Variants in CDH20 observed in about 807,000 individuals in gnomAD.
CDH20 encodes the protein cadherin 20, also known as cadherin-20.
A neutral mutation model predicts 74.2 loss-of-function variants in CDH20; 29 were observed. That is an observed-to-expected ratio of 0.39 (90% confidence interval 0.29 to 0.53). CDH20 has a LOEUF of 0.53. Among genes scored for constraint, CDH20 ranks in the 20% least tolerant of loss-of-function variants. CDH20 has a pLI of 0.69. For synonymous variants in CDH20, 469 were observed against 405.4 expected (o/e 1.16, Z -1.88); for missense variants, 988 against 1,048.3 (o/e 0.94, Z 0.79).
At chr18:61,360,590 T>C (rs1485241820) in intron 1 of CDH20, among the ~76,000 whole-genome samples, 1 of 152,162 alleles carries the variant, frequency 6.6e-6, no homozygotes, top group Non-Finnish European at 1.5e-5. Context: ...TGCAAAGCAC[T>C]GAGGAGGCAG....
At chr18:61,473,947 T>C (rs1599109651) in intron 1 of CDH20, among the ~76,000 whole-genome samples, 1 of 152,258 alleles carries the variant, frequency 6.6e-6, no homozygotes, top group African/African-American at 2.4e-5. Context: ...TGTATGCTTG[T>C]AAATTCAACA....
Position 61,522,676 on chromosome 18 carries a change from T to A in CDH20, c.1018-5291T>A, listed in dbSNP as rs190597785. ...CTGACTTCAAACTATAGTACAAGACTACAGTAACCAAAAAAGCATGGTACT... is the reference window on the plus strand; with the variant it reads ...CTGACTTCAAACTATAGTACAAGACAACAGTAACCAAAAAAGCATGGTACT... On this transcript the variant is annotated intron_variant, in intron 6 of 11. Coordinates refer to ENST00000262717, the MANE Select transcript of CDH20 (RefSeq NM_031891.4). 1.8e-4 allele frequency among the ~76,000 whole-genome samples: 27 copies of A among 152,272 alleles called. No individual in the cohort carries two copies. In the East Asian group the frequency reaches 4.4e-3, roughly 25 times the overall value.
At position 61,353,401 on chromosome 18, in the gene CDH20, G is replaced by T. The variant is rs1910374329; in HGVS notation, c.-153+19574G>T. Among the ~76,000 whole-genome samples, 1 of 152,138 alleles carries T rather than the reference G, an allele frequency of 6.6e-6. No individual in the cohort carries two copies. The highest frequency in any genetic ancestry group is 1.5e-5 in the Non-Finnish European group (1 of 68,030). On this transcript the variant is annotated intron_variant, in intron 1 of 11. Transcript: ENST00000262717. This position sits in a 1 kb window ranked among gnomAD's most constrained non-coding sequence, Gnocchi z 4.6. ...TCCACAAAAGCCTTCTCAATTTTAT[G>T]GGTCAATAGTTACTTCTTCTTCCCC...
In CDH20 at chr18:61,490,393, A is replaced by T. The variant is rs1910912379; in HGVS notation, c.-152-9A>T. 1 of 690,842 alleles carries T rather than the reference A, an allele frequency of 1.4e-6. No homozygotes were observed. Among genetic ancestry groups the T allele is most frequent in the Non-Finnish European group, 2.4e-6 (1 of 413,534 alleles). 42.8% of individuals were successfully genotyped at this position (690,842 alleles called of 1,614,324 possible). The stretch of plus-strand genomic sequence containing the variant: ...ACATCATCACACTGTGTTTTCCTTA[A>T]CTTGACAGGAAGTCAACTTCAAGCA... On this transcript the variant is annotated splice_polypyrimidine_tract_variant and intron_variant, in intron 1 of 11. Transcript: ENST00000262717.
At chr18:61,383,518 T>C (rs1911503192) in intron 1 of CDH20, among the ~76,000 whole-genome samples, 1 of 151,888 alleles carries the variant, frequency 6.6e-6, no homozygotes, top group South Asian at 2.1e-4. Flanking sequence ...GAGGCGGAGG[T>C]TGCAGTGAAC....
chr18:61,338,229 C>T (rs1909820555), intron 1 of CDH20, among the ~76,000 whole-genome samples: 1 of 152,016 alleles, frequency 6.6e-6, no homozygotes, highest in African/African-American at 2.4e-5. Context: ...GCACTGTCTA[C>T]AGCAATTAAA....
Position 61,430,404 on chromosome 18 carries a change from C to T in CDH20, c.-152-59998C>T, listed in dbSNP as rs549678450. 4.3e-4 allele frequency among the ~76,000 whole-genome samples: 66 copies of T among 152,256 alleles called. 2 individuals carry two copies. In the South Asian group the frequency reaches 0.013, roughly 31 times the overall value. On this transcript the variant is annotated intron_variant, in intron 1 of 11. Coordinates refer to ENST00000262717, the MANE Select transcript of CDH20 (RefSeq NM_031891.4). ...TCAGGATACATGTTGATAGTACCAA[C>T]ATGGCATCACTGTTGATGTTAACCT...
At chr18:61,443,283 AG>A (rs1182131059) in intron 1 of CDH20, among the ~76,000 whole-genome samples, 1 of 152,186 alleles carries the variant, frequency 6.6e-6, no homozygotes, top group Non-Finnish European at 1.5e-5. Flanking sequence ...GGTTCTTTAA[AG>A]GTACAGGCCC....
chr18:61,506,257 A>G (rs979086985), intron 5 of CDH20, among the ~76,000 whole-genome samples: 2 of 152,362 alleles, frequency 1.3e-5, no homozygotes, highest in South Asian at 2.1e-4. Flanking sequence ...AGTGTAATCC[A>G]TCAACAACTT....
At chr18:61,434,824 AC>A (rs1367418178) in intron 1 of CDH20, among the ~76,000 whole-genome samples, 1 of 152,172 alleles carries the variant, frequency 6.6e-6, no homozygotes, top group Non-Finnish European at 1.5e-5. Context: ...GGACATTTTG[AC>A]CCATAAAGTG....
At position 61,515,206 on chromosome 18, in the gene CDH20, G is replaced by A. The variant is rs534281330; in HGVS notation, c.1017+7646G>A. The stretch of plus-strand genomic sequence containing the variant: ...GGTGCGGGATATAATCTCGTGGTGC[G>A]CCATTTTTTAAGCCCGTCGGAAAAG... On this transcript the variant is annotated intron_variant, in intron 6 of 11. Coordinates refer to ENST00000262717, the MANE Select transcript of CDH20 (RefSeq NM_031891.4). Among the ~76,000 whole-genome samples the A allele has an allele frequency of 3.3e-3, 509 of 152,244 alleles. 1 individual carries two copies. The highest frequency in any genetic ancestry group is 4.1e-3 in the Non-Finnish European group (281 of 68,020).
At chr18:61,347,345 CACACA>C (rs1568104205) in intron 1 of CDH20, among the ~76,000 whole-genome samples, 52 of 139,098 alleles carry the variant, frequency 3.7e-4, no homozygotes, top group African/African-American at 1.5e-3. Context: ...CACACACACA[CACACA>C]CATATATATA....
At chr18:61,492,489 T>C (rs1458483742) in intron 2 of CDH20, among the ~76,000 whole-genome samples, 3 of 152,180 alleles carry the variant, frequency 2.0e-5, no homozygotes, top group Admixed American at 1.3e-4. Context: ...CCACTGTGCA[T>C]TGAATCCTCC....
chr18:61,481,349 C>G (rs1237878981), intron 1 of CDH20, among the ~76,000 whole-genome samples: 1 of 152,130 alleles, frequency 6.6e-6, no homozygotes, highest in Non-Finnish European at 1.5e-5. Flanking sequence ...CTGTAATACT[C>G]CTTTAAAGAA....
intron 6 of CDH20, among the ~76,000 whole-genome samples, chr18:61,513,864 G>T (rs1195985301): frequency 3.3e-5 from 5 of 152,132 alleles, no homozygotes; most frequent in African/African-American, 1.2e-4. Flanking sequence ...TCTGCCGAGA[G>T]ATCCGCTATT....
At chr18:61,406,283 C>G (rs142270825) in intron 1 of CDH20, among the ~76,000 whole-genome samples, 22 of 152,304 alleles carry the variant, frequency 1.4e-4, no homozygotes, top group Middle Eastern at 3.4e-3. Context: ...TTTGTTGAGA[C>G]TTCCACAAGT....
At chr18:61,371,376 G>A (rs1343801710) in intron 1 of CDH20, among the ~76,000 whole-genome samples, 2 of 151,940 alleles carry the variant, frequency 1.3e-5, no homozygotes, top group Non-Finnish European at 2.9e-5. Context: ...CTTGTTATAG[G>A]TGCTGTATAG....
chr18:61,481,451 G>A (rs145439369), intron 1 of CDH20, among the ~76,000 whole-genome samples: 32 of 152,256 alleles, frequency 2.1e-4, no homozygotes, highest in African/African-American at 5.3e-4. Context: ...GTCTTAAACC[G>A]CGATGTCCTG....
At chr18:61,525,106 T>C (rs1031203161) in intron 6 of CDH20, among the ~76,000 whole-genome samples, 5 of 151,560 alleles carry the variant, frequency 3.3e-5, no homozygotes, top group Admixed American at 6.6e-5. Flanking sequence ...AGGGGAGAGG[T>C]TGACTACAAA....
Sources: allele counts gnomAD v4.1 joint callset (sites outside exome capture counted in the v4.1 genomes callset), GRCh38; gene constraint gnomAD v4.1.1; non-coding constraint Gnocchi (gnomAD v3.1); transcripts MANE v1.5; gene names NCBI Gene and HGNC (gene_info 2026-07-23, HGNC 2026-07-21).